Variants in TG observed in about 807,000 individuals in gnomAD.
TG encodes thyroglobulin.
A neutral mutation model predicts 324.7 loss-of-function variants in TG; 270 were observed. The observed-to-expected ratio is 0.83, with a 90% CI of 0.75 to 0.92. The LOEUF (loss-of-function observed/expected upper bound fraction) is 0.92, where lower values mean the gene tolerates loss of function less well. TG is among the 40% of genes least tolerant of loss of function. The pLI is 0.00. For synonymous variants in TG, 1,401 were observed against 1,327.0 expected (o/e 1.06, Z -1.21); for missense variants, 3,591 against 3,456.4 (o/e 1.04, Z -0.98).
In TG at chr8:132,963,042, C is replaced by T. The variant is rs758493300; in HGVS notation, c.5516C>T (p.Thr1839Ile). 2 of 1,614,048 alleles carry T rather than the reference C, an allele frequency of 1.2e-6. No individual in the cohort carries two copies. The highest frequency in any genetic ancestry group is 2.2e-5 in the East Asian group (1 of 44,876). The change falls in exon 29 of 48, where the codon ACA becomes ATA. Residue 1839 changes from threonine (T) to isoleucine (I), a missense_variant. Transcript: ENST00000220616. ...GAGTCTATGGGATGTAGAAAAGACA[C>T]AGTGCCAAGGCCAGCATCTCCAACA... ...RPESMGCRKD[T>I]VPRPASPTEA... is the part of the protein sequence containing the mutation.
intron 17 of TG, 136 bp downstream of exon 17, chr8:132,907,036 A>G (rs1317206715): frequency 1.3e-5 from 12 of 906,256 alleles, no homozygotes; most frequent in Non-Finnish European, 2.1e-5. Context: ...TGGCACCAAG[A>G]GATGGGAGAG....
At chr8:133,079,035 C>T (rs566722443) in intron 41 of TG, among the ~76,000 whole-genome samples, 4 of 152,304 alleles carry the variant, frequency 2.6e-5, no homozygotes, top group Admixed American at 2.6e-4. Context: ...ATGGCGGGAC[C>T]ACATCAGATT....
At chr8:132,935,967 C>T (rs1006094071) in intron 25 of TG, 103 bp downstream of exon 25, 4 of 853,278 alleles carry the variant, frequency 4.7e-6, no homozygotes, top group South Asian at 4.3e-5. Flanking sequence ...CAGACTGTCC[C>T]GCTCCCCACT....
intron 25 of TG, among the ~76,000 whole-genome samples, chr8:132,936,661 C>T (rs537889862): frequency 6.6e-5 from 10 of 152,296 alleles, no homozygotes; most frequent in East Asian, 3.9e-4. Flanking sequence ...GCTGCTGGCA[C>T]GTGGGAGAGG....
At chr8:132,882,029 C>T in intron 6 of TG, 60 bp downstream of exon 6, 1 of 1,254,408 alleles carries the variant, frequency 8.0e-7, no homozygotes, top group Non-Finnish European at 1.2e-6. Context: ...GGTCTGAAAA[C>T]CTGGATAACA....
At chr8:132,891,217 A>C (rs1816194862) in intron 10 of TG, among the ~76,000 whole-genome samples, 2 of 152,096 alleles carry the variant, frequency 1.3e-5, no homozygotes, top group African/African-American at 4.8e-5. Context: ...TTTGGGACAG[A>C]GGAAATAGCA....
At chr8:133,084,574 G>A (rs1286707558) in intron 41 of TG, among the ~76,000 whole-genome samples, 1 of 152,204 alleles carries the variant, frequency 6.6e-6, no homozygotes, top group Non-Finnish European at 1.5e-5. Flanking sequence ...ACAGCCAGAA[G>A]GTGACAGAGG....
At chr8:132,914,183 A>C (rs1022394478) in intron 20 of TG, among the ~76,000 whole-genome samples, 1 of 152,204 alleles carries the variant, frequency 6.6e-6, no homozygotes, top group Non-Finnish European at 1.5e-5. Flanking sequence ...TCCCTTTGCC[A>C]TGTAACCTAA....
chr8:132,880,928 T>C (rs1314885601), intron 5 of TG, among the ~76,000 whole-genome samples: 2 of 152,246 alleles, frequency 1.3e-5, no homozygotes, highest in Non-Finnish European at 2.9e-5. Context: ...TTCTTTTCAA[T>C]ATTTTGCTAG....
At chr8:133,033,803 A>T (rs1836845923) in intron 41 of TG, among the ~76,000 whole-genome samples, 1 of 152,274 alleles carries the variant, frequency 6.6e-6, no homozygotes, top group Admixed American at 6.5e-5. Context: ...ACCTTAGTGA[A>T]AACACTTATA....
chr8:132,901,636 G>A, intron 16 of TG, 83 bp downstream of exon 16: 1 of 1,464,366 alleles, frequency 6.8e-7, no homozygotes, highest in South Asian at 1.3e-5. Flanking sequence ...AGAGAAGCTG[G>A]GAAGGCAGGG....
rs74960607 is a variant in TG at position 132,880,889 on chromosome 8, T to C, written c.639-974T>C. ...TTTAGGGCATTTACTATAATTTACT[T>C]CTTAATTTTCTACTATTGGACATTA... is the stretch of plus-strand genomic sequence containing the variant. On this transcript the variant is annotated intron_variant, in intron 5 of 47. Transcript: ENST00000220616. 9.0e-3 allele frequency among the ~76,000 whole-genome samples: 1,368 copies of C among 152,346 alleles called. 39 individuals carry two copies. Among genetic ancestry groups the C allele is most frequent in the East Asian group, 0.088 (454 of 5,186 alleles).
chr8:133,032,032 G>A lies in TG; in HGVS notation c.7239+2009G>A, dbSNP rs76054328. ...TCACAAGACTGCTAGCTCCAGCTGAGCAGGGGCTGGGTGTGCCTTGCTCTC... is the reference window on the plus strand; with the variant it reads ...TCACAAGACTGCTAGCTCCAGCTGAACAGGGGCTGGGTGTGCCTTGCTCTC... On this transcript the variant is annotated intron_variant, in intron 41 of 47. Transcript: ENST00000220616. 6.6e-5 allele frequency among the ~76,000 whole-genome samples: 10 copies of A among 152,284 alleles called. No homozygotes were observed. The East Asian group carries it at 1.2e-3, about 18-fold the overall frequency.
At chr8:133,029,794 G>A (rs750624927) in intron 40 of TG, 27 bp from the exon 41 acceptor site, 8 of 1,613,738 alleles carry the variant, frequency 5.0e-6, no homozygotes, top group Non-Finnish European at 5.9e-6. Flanking sequence ...AGTCACAAAG[G>A]ATAAAAGGCT....
intron 35 of TG, among the ~76,000 whole-genome samples, chr8:133,009,269 T>G (rs561516256): frequency 6.6e-6 from 1 of 152,272 alleles, no homozygotes; most frequent in South Asian, 2.1e-4. Flanking sequence ...TGCAGCTCAG[T>G]TTGGTCATGT....
intron 41 of TG, among the ~76,000 whole-genome samples, chr8:133,085,221 G>T (rs1846336381): frequency 5.3e-5 from 8 of 152,158 alleles, no homozygotes. Flanking sequence ...GTAAAAACAA[G>T]TTTTTATATA....
chr8:132,921,772 G>A (rs1292959624), intron 21 of TG, among the ~76,000 whole-genome samples: 1 of 150,808 alleles, frequency 6.6e-6, no homozygotes, highest in African/African-American at 2.4e-5. Flanking sequence ...TCATTTACTT[G>A]TTTGTTTATT....
Position 133,029,117 on chromosome 8 carries a change from T to G in TG, c.7037-704T>G, listed in dbSNP as rs148452913. Among the ~76,000 whole-genome samples the G allele has an allele frequency of 4.3e-3, 656 of 152,256 alleles. 6 individuals carry two copies. Among genetic ancestry groups the G allele is most frequent in the African/African-American group, 0.015 (639 of 41,536 alleles). On this transcript the variant is annotated intron_variant, in intron 40 of 47. Coordinates refer to ENST00000220616, the MANE Select transcript of TG (RefSeq NM_003235.5). ...TAAAGAGGACAAGTTAGTGGAGTAG[T>G]TTGGCAAGGATCTACTGAATTCACA...
chr8:132,879,472 A>T (rs1032417645), intron 5 of TG, among the ~76,000 whole-genome samples: 1 of 152,228 alleles, frequency 6.6e-6, no homozygotes, highest in Admixed American at 6.5e-5. Context: ...AATGAGACAA[A>T]TATGGAGAGT....
Sources: allele counts gnomAD v4.1 joint callset (sites outside exome capture counted in the v4.1 genomes callset), GRCh38; gene constraint gnomAD v4.1.1; transcripts MANE v1.5; gene names NCBI Gene and HGNC (gene_info 2026-07-23, HGNC 2026-07-21).